The following TBC1D17 variants were observed in gnomAD, a reference collection of about 807,000 sequenced individuals.
TBC1D17 encodes the protein TBC1 domain family, member 17.
Under a neutral mutation model 78.8 loss-of-function variants are expected in TBC1D17, and 69 were observed. The observed-to-expected ratio is 0.88, with a 90% confidence interval of 0.72 to 1.07. The LOEUF (loss-of-function observed/expected upper bound fraction) is 1.07. Among genes scored for constraint, TBC1D17 ranks in the 50% least tolerant of loss-of-function variants. TBC1D17 has a pLI of 0.00. For missense variants in TBC1D17, 957 were observed against 861.0 expected, an observed-to-expected ratio of 1.11 and a Z score of -1.39; for synonymous variants, 456 against 358.3, an observed-to-expected ratio of 1.27 and a Z score of -3.08.
rs1600447653 is a variant in TBC1D17, at chr19:49,882,269, A to G, written c.667A>G (p.Thr223Ala). 1 of 1,611,812 alleles carries G rather than the reference A, an allele frequency of 6.2e-7. No individual in the cohort carries two copies. Among genetic ancestry groups the G allele is most frequent in the East Asian group, 2.2e-5 (1 of 44,858 alleles). The change falls in exon 7 of 17, where the codon ACC (threonine) becomes GCC (alanine). Residue 223 changes from threonine to alanine, a missense_variant. By Grantham distance (58) the Thr-to-Ala change is moderately conservative (BLOSUM62 0). Coordinates refer to ENST00000221543, the MANE Select transcript of TBC1D17 (RefSeq NM_024682.3). The stretch of plus-strand genomic sequence containing the variant: ...CTTCCTCCAGGATCCCTACTCCACC[A>G]CCTTCAGCAGCTTCTCCCGAGTGAC... ...SRFLQDPYSTTFSSFSRVTNF... is the reference protein window; with the variant it reads ...SRFLQDPYSTAFSSFSRVTNF...
At chr19:49,877,858 C>T in intron 1 of TBC1D17, 114 bp downstream of exon 1, 2 of 1,316,794 alleles carry the variant, frequency 1.5e-6, no homozygotes, top group Non-Finnish European at 2.1e-6. Flanking sequence ...TTGGCAAACA[C>T]CGATCTCTTA....
intron 4 of TBC1D17, 77 bp downstream of exon 4, chr19:49,880,479 C>G: frequency 5.2e-6 from 8 of 1,547,380 alleles, no homozygotes; most frequent in South Asian, 2.4e-5. Flanking sequence ...GTCACGGTCC[C>G]AAGGGCTTTG....
rs2075029065 is a variant in TBC1D17 at position 49,882,974 on chromosome 19, G to A, written c.929G>A (p.Gly310Asp). ...CTGCCTGCCCTCCTGCACCCCCAGG[G>A]TCTGAGCCCCAGCCTGCGGCGCGAG... ...PELKNRIFSG[G>D]LSPSLRREAW... is the part of the protein sequence containing the mutation. Residue 310 changes from glycine to aspartate, a missense_variant and splice_region_variant, in exon 9 of 17, where the codon GGT (glycine) becomes GAT (aspartate). Coordinates refer to ENST00000221543, the MANE Select transcript of TBC1D17 (RefSeq NM_024682.3). 1 of 1,608,948 alleles carries A rather than the reference G, an allele frequency of 6.2e-7. No homozygotes were observed. Among genetic ancestry groups the A allele is most frequent in the Non-Finnish European group, 8.5e-7 (1 of 1,177,572 alleles).
rs866927674 is a variant in TBC1D17, at chr19:49,877,734, C to T, written c.11C>T (p.Ala4Val). The T allele has an allele frequency of 1.3e-6, 2 of 1,598,000 alleles. No homozygotes were observed. The highest frequency in any genetic ancestry group is 1.1e-5 in the South Asian group (1 of 87,910). ...CCTTCGGCGGCGACTATGGAAGGAG[C>T]CGGCTACAGGGTAAGCACTGAGGAC... MEGAGYRVVFEKGG... is the reference protein window; with the variant it reads MEGVGYRVVFEKGG... The change falls in exon 1 of 17, where the codon GCC becomes GTC. Residue 4 changes from alanine to valine, a missense_variant. Coordinates refer to ENST00000221543, the MANE Select transcript of TBC1D17 (RefSeq NM_024682.3).
At chr19:49,880,451 C>T in intron 4 of TBC1D17, 49 bp downstream of exon 4, 4 of 1,600,206 alleles carry the variant, frequency 2.5e-6, no homozygotes, top group South Asian at 2.2e-5. Flanking sequence ...CCAGGTAGGA[C>T]ACATCTTGCC....
Position 49,888,680 on chromosome 19 carries a change from G to GCCCCCT in TBC1D17, c.*57_*58insCCCCTC. 6.9e-7 allele frequency: 1 copy of GCCCCCT among 1,454,590 alleles called. No individual in the cohort carries two copies. The highest frequency in any genetic ancestry group is 9.2e-7 in the Non-Finnish European group (1 of 1,091,444). The allele number at this position is 1,454,590 out of a possible 1,614,324, so 90.1% of individuals were successfully genotyped here. On this transcript the variant is annotated 3_prime_UTR_variant, in exon 17 of 17. Transcript: ENST00000221543. ...ACTTTAGCCCGAGCCAGGCACACCTGCGAGGGGGCAGGTGTGCTCCGCCGC... is the reference window on the plus strand; with the variant it reads ...ACTTTAGCCCGAGCCAGGCACACCTGCCCCCTCGAGGGGGCAGGTGTGCTCCGCCGC...
intron 2 of TBC1D17, 123 bp downstream of exon 2, chr19:49,878,364 G>A (rs1385913197): frequency 1.6e-6 from 2 of 1,230,428 alleles, no homozygotes; most frequent in Non-Finnish European, 1.2e-6. Flanking sequence ...AAGGCTGGGT[G>A]TGGGAACTGG....
rs758903254 is a variant in TBC1D17 at position 49,882,022 on chromosome 19, G to A, written c.528-19G>A. ...GCCCCTACCTGTGCATCACCTGTGCGTCACCTCCCGCCTCCCAGCTCCCCG... is the reference window on the plus strand; with the variant it reads ...GCCCCTACCTGTGCATCACCTGTGCATCACCTCCCGCCTCCCAGCTCCCCG... On this transcript the variant is annotated intron_variant, in intron 5 of 16. Coordinates refer to ENST00000221543, the MANE Select transcript of TBC1D17 (RefSeq NM_024682.3). The A allele has an allele frequency of 1.2e-5, 20 of 1,603,488 alleles. No individual in the cohort carries two copies. Among genetic ancestry groups the A allele is most frequent in the East Asian group, 4.5e-5 (2 of 44,828 alleles).
At position 49,881,372 on chromosome 19, in the gene TBC1D17, G is replaced by A. The variant is rs932605496; in HGVS notation, c.424G>A (p.Val142Ile). 5.6e-6 allele frequency: 9 copies of A among 1,613,220 alleles called. No individual in the cohort carries two copies. The highest frequency in any genetic ancestry group is 1.3e-5 in the African/African-American group (1 of 74,920). ...SKPGLSWAYLVLVTQAGGSLP... is the reference protein window; with the variant it reads ...SKPGLSWAYLILVTQAGGSLP... ...GCCAGGCCTCAGCTGGGCCTACCTG[G>A]TTCTGGTGACCCAGGCTGGAGGTTC... Residue 142 changes from valine to isoleucine, a missense_variant, in exon 5 of 17, where the codon GTT becomes ATT. Coordinates refer to ENST00000221543, the MANE Select transcript of TBC1D17 (RefSeq NM_024682.3).
At chr19:49,883,115 C>T (rs759927377) in intron 9 of TBC1D17, 39 bp downstream of exon 9, 2 of 1,558,740 alleles carry the variant, frequency 1.3e-6, no homozygotes, top group Admixed American at 3.7e-5. Flanking sequence ...AGGCATGACA[C>T]CTGGTACCTC....
In TBC1D17 at chr19:49,888,483, C is replaced by T. The variant is rs753632454; in HGVS notation, c.1806C>T (p.Ser602=). The change falls in exon 17 of 17, where the codon AGC becomes AGT. Residue 602 remains serine, a synonymous_variant. Transcript: ENST00000221543. The part of the protein sequence containing the change: ...LGLAPPAEPH[S]PSPTASPLPL... ...TGGCCCCGCCCGCAGAGCCCCACAG[C>T]CCCTCGCCCACCGCCTCCCCGCTGC... is the stretch of plus-strand genomic sequence containing the variant. The T allele has an allele frequency of 1.3e-6, 2 of 1,588,172 alleles. No individual in the cohort carries two copies. The highest frequency in any genetic ancestry group is 1.7e-6 in the Non-Finnish European group (2 of 1,172,134).
rs752549850 is a variant in TBC1D17 at position 49,888,311 on chromosome 19, C to T, written c.1740C>T (p.Ala580=). The T allele has an allele frequency of 1.3e-6, 2 of 1,580,714 alleles. No individual in the cohort carries two copies. The highest frequency in any genetic ancestry group is 2.3e-5 in the South Asian group (2 of 86,562). ...AGGCCCTGCACCGCCAGCTAACCGCCTGCCCCGTGAGTCCCCGTCCGCCCC... is the reference window on the plus strand; with the variant it reads ...AGGCCCTGCACCGCCAGCTAACCGCTTGCCCCGTGAGTCCCCGTCCGCCCC... ...RAEALHRQLT[A]CPELPHNVQE... is the part of the protein sequence containing the mutation. Residue 580 remains alanine (A), a synonymous_variant, in exon 16 of 17, where the codon GCC becomes GCT. Coordinates refer to ENST00000221543, the MANE Select transcript of TBC1D17 (RefSeq NM_024682.3).
chr19:49,880,104 C>T lies in TBC1D17; in HGVS notation c.196-175C>T, dbSNP rs568475822. ...AACTCCCGACCTCAGGTGATCCGCC[C>T]GCCTCAGCCTCCCAAAGTGCTGGGA... On this transcript the variant is annotated intron_variant, in intron 3 of 16. Coordinates refer to ENST00000221543, the MANE Select transcript of TBC1D17 (RefSeq NM_024682.3). Among the ~76,000 whole-genome samples the T allele has an allele frequency of 6.6e-5, 10 of 152,204 alleles. No individual in the cohort carries two copies. In the South Asian group the frequency reaches 1.7e-3, roughly 25 times the overall value.
At position 49,880,512 on chromosome 19, in the gene TBC1D17, C is replaced by A. The variant is rs924246724; in HGVS notation, c.319+110C>A. The A allele has an allele frequency of 3.6e-6, 5 of 1,376,962 alleles. No homozygotes were observed. The African/African-American group carries it at 7.2e-5, about 20-fold the overall frequency. 85.3% of individuals were successfully genotyped at this position (1,376,962 alleles called of 1,614,324 possible). On this transcript the variant is annotated intron_variant, in intron 4 of 16. Coordinates refer to ENST00000221543, the MANE Select transcript of TBC1D17 (RefSeq NM_024682.3). ...TTGCTGCCCACAATCAAGAAGGCCA[C>A]CAGTCACCACCTTCCAGTCCCAGGA...
intron 4 of TBC1D17, 103 bp from the exon 5 acceptor site, chr19:49,881,165 G>A: frequency 1.0e-6 from 1 of 976,814 alleles, no homozygotes; most frequent in South Asian, 1.7e-5. Context: ...TTGTGGCGGG[G>A]CCCTCAGGAG....
intron 9 of TBC1D17, 74 bp from the exon 10 acceptor site, chr19:49,883,577 T>C: frequency 7.3e-7 from 1 of 1,361,696 alleles, no homozygotes; most frequent in South Asian, 1.2e-5. Flanking sequence ...ACCTGGGAGG[T>C]GGCGCCAGGC....
chr19:49,887,558 C>T lies in TBC1D17; in HGVS notation c.1527C>T (p.Val509=), dbSNP rs780497172. ...AGAGGGAATTCCCCTTCCCGGATGT[C>T]CTTCGGCTGTGGGAGGTGGGCCAGC... ...WFKREFPFPD[V]LRLWEVLWTG... The change falls in exon 14 of 17, where the codon GTC becomes GTT. Residue 509 remains valine, a synonymous_variant. Coordinates refer to ENST00000221543, the MANE Select transcript of TBC1D17 (RefSeq NM_024682.3). The T allele has an allele frequency of 6.2e-7, 1 of 1,614,182 alleles. No homozygotes were observed. Among genetic ancestry groups the T allele is most frequent in the South Asian group, 1.1e-5 (1 of 91,072 alleles).
chr19:49,882,297 A>C lies in TBC1D17; in HGVS notation c.695A>C (p.Asn232Thr), dbSNP rs2075021955. 1 of 1,611,712 alleles carries C rather than the reference A, an allele frequency of 6.2e-7. No individual in the cohort carries two copies. The highest frequency in any genetic ancestry group is 8.5e-7 in the Non-Finnish European group (1 of 1,179,916). Residue 232 changes from asparagine to threonine, a missense_variant, in exon 7 of 17, where the codon AAC becomes ACC. Transcript: ENST00000221543. Reference protein sequence around the residue: ...TTFSSFSRVTNFFRGALQPQP... With the variant: ...TTFSSFSRVTTFFRGALQPQP... Reference sequence around the variant, plus strand: ...TTCAGCAGCTTCTCCCGAGTGACCAACTTCTTCCGGGGTGCCCTGCAGCCA... The same window carrying C: ...TTCAGCAGCTTCTCCCGAGTGACCACCTTCTTCCGGGGTGCCCTGCAGCCA...
chr19:49,881,095 C>T (rs1435947855), intron 4 of TBC1D17, among the ~76,000 whole-genome samples, 173 bp from the exon 5 acceptor site: 15 of 152,136 alleles, frequency 9.9e-5, no homozygotes, highest in Non-Finnish European at 2.1e-4. Flanking sequence ...CACTGGGCCC[C>T]CTTCCCATCT....
Sources: gnomAD v4.1 joint callset for allele counts (sites outside exome capture counted in the v4.1 genomes callset) on GRCh38, gnomAD v4.1.1 for gene constraint, MANE v1.5 for transcripts, NCBI Gene and HGNC (gene_info 2026-07-23, HGNC 2026-07-21) for gene names.